Variants in NRG3 observed in about 807,000 individuals in gnomAD.
The protein encoded by NRG3 is pro-neuregulin-3, membrane-bound isoform.
Under a neutral mutation model 66.9 loss-of-function variants are expected in NRG3, and 31 were observed. The observed-to-expected ratio is 0.46, with a 90% CI of 0.35 to 0.63. The LOEUF is 0.63. Among genes scored for constraint, NRG3 ranks in the 20% least tolerant of loss-of-function variants. The pLI is 0.00. For missense variants in NRG3, 910 were observed against 878.9 expected, an observed-to-expected ratio of 1.04 and a Z score of -0.45; for synonymous variants, 393 against 359.4, an observed-to-expected ratio of 1.09 and a Z score of -1.06.
At chr10:81,984,908 G>A (rs975520626) in intron 1 of NRG3, among the ~76,000 whole-genome samples, 1 of 152,076 alleles carries the variant, frequency 6.6e-6, no homozygotes, top group Non-Finnish European at 1.5e-5. Flanking sequence ...AAGAAACAGT[G>A]AAAAAATACA....
At chr10:82,811,564 G>A (rs1347410294) in intron 3 of NRG3, among the ~76,000 whole-genome samples, 1 of 152,200 alleles carries the variant, frequency 6.6e-6, no homozygotes, top group Non-Finnish European at 1.5e-5. Flanking sequence ...AAAGGTGACA[G>A]GCAGTAGGAA....
At chr10:82,485,380 G>A (rs1842601361) in intron 2 of NRG3, among the ~76,000 whole-genome samples, 1 of 151,046 alleles carries the variant, frequency 6.6e-6, no homozygotes, top group Non-Finnish European at 1.5e-5. Flanking sequence ...TCAAGAAACA[G>A]GATGTCAATA....
intron 1 of NRG3, among the ~76,000 whole-genome samples, chr10:81,938,580 A>G (rs1329570703): frequency 1.3e-5 from 2 of 149,720 alleles, no homozygotes; most frequent in African/African-American, 5.0e-5. Context: ...TTGATTTTGT[A>G]CGCTGCAACT....
intron 2 of NRG3, among the ~76,000 whole-genome samples, chr10:82,470,394 T>C (rs1433419170): frequency 6.6e-6 from 1 of 152,228 alleles, no homozygotes; most frequent in Non-Finnish European, 1.5e-5. Context: ...CTTGAGAATG[T>C]ATTATAAGGA....
chr10:82,052,041 T>TG (rs1339242180), intron 1 of NRG3, among the ~76,000 whole-genome samples: 3 of 151,794 alleles, frequency 2.0e-5, no homozygotes, highest in Non-Finnish European at 4.4e-5. Context: ...ATTTTTTTTT[T>TG]TTTTTGGTAC....
chr10:82,767,166 T>A (rs896209457), intron 3 of NRG3, among the ~76,000 whole-genome samples: 8 of 151,940 alleles, frequency 5.3e-5, no homozygotes, highest in African/African-American at 1.9e-4. Flanking sequence ...ACTCTATTAA[T>A]TCTCTCCCTC....
chr10:82,217,653 C>T (rs766795482), intron 1 of NRG3, among the ~76,000 whole-genome samples: 5 of 152,212 alleles, frequency 3.3e-5, no homozygotes, highest in East Asian at 3.9e-4. Flanking sequence ...GCAATAGTTG[C>T]CTAACAGATA....
Sources: allele counts gnomAD v4.1 joint callset (sites outside exome capture counted in the v4.1 genomes callset), GRCh38; gene constraint gnomAD v4.1.1; transcripts MANE v1.5; gene names NCBI Gene and HGNC (gene_info 2026-07-23, HGNC 2026-07-21).